Variants in SSBP2 observed in about 807,000 individuals in gnomAD.
SSBP2 encodes single stranded DNA binding protein 2.
Under a neutral mutation model 61.8 loss-of-function variants are expected in SSBP2, and 17 were observed. That is an observed-to-expected ratio of 0.28 (90% CI 0.19 to 0.41). The LOEUF (loss-of-function observed/expected upper bound fraction) is 0.41. Among genes scored for constraint, SSBP2 ranks in the 10% least tolerant of loss-of-function variants. The pLI, the probability that SSBP2 is intolerant of heterozygous loss-of-function variation, is 1.00. For synonymous variants in SSBP2, 139 were observed against 141.3 expected, an observed-to-expected ratio of 0.98 and a Z score of 0.12; for missense variants, 310 against 458.7, an observed-to-expected ratio of 0.68 and a Z score of 2.96.
intron 3 of SSBP2, among the ~76,000 whole-genome samples, chr5:81,627,066 A>C (rs1032562496): frequency 2.0e-5 from 3 of 152,254 alleles, no homozygotes; most frequent in African/African-American, 4.8e-5. Flanking sequence ...AAAGGTACTA[A>C]AAATATTATA....
chr5:81,751,195 G>A (rs914954286), upstream of SSBP2: 34 of 778,926 alleles, frequency 4.4e-5, no homozygotes, highest in African/African-American at 3.1e-4. Context: ...GGCAACGCGC[G>A]AGACTGACAG....
At chr5:81,525,132 G>A (rs547913628) in intron 4 of SSBP2, among the ~76,000 whole-genome samples, 5 of 151,906 alleles carry the variant, frequency 3.3e-5, no homozygotes, top group African/African-American at 1.2e-4. Flanking sequence ...TCCCTGACTC[G>A]GTTCCCATCC....
chr5:81,487,298 T>A (rs545747015), intron 6 of SSBP2, among the ~76,000 whole-genome samples: 3 of 152,304 alleles, frequency 2.0e-5, no homozygotes, highest in African/African-American at 7.2e-5. Context: ...CTACAAACTC[T>A]TTGTGAGTAA....
At chr5:81,589,961 C>T (rs1311893733) in intron 4 of SSBP2, among the ~76,000 whole-genome samples, 1 of 152,078 alleles carries the variant, frequency 6.6e-6, no homozygotes, top group Non-Finnish European at 1.5e-5. Flanking sequence ...ATGATCTAAA[C>T]ACCTCCTCCC....
In SSBP2 at chr5:81,740,596, G is replaced by A. The variant is rs116275451; in HGVS notation, c.62+10385C>T. On this transcript the variant is annotated intron_variant, in intron 1 of 16. Transcript: ENST00000320672. ...CCAAAAAAAGCCCAATAGGCCATAC[G>A]CTGCTTGGAAGAGACAACAAAAGAG... Among the ~76,000 whole-genome samples the A allele has an allele frequency of 3.3e-3, 500 of 152,208 alleles. 2 individuals are homozygous for A. Among genetic ancestry groups the A allele is most frequent in the African/African-American group, 0.011 (477 of 41,528 alleles).
intron 4 of SSBP2, among the ~76,000 whole-genome samples, chr5:81,568,242 T>C (rs1462903516): frequency 5.9e-5 from 9 of 152,130 alleles, no homozygotes; most frequent in Admixed American, 1.3e-4. Context: ...TGGGAGATAA[T>C]TGAATCATAG....
At chr5:81,739,405 A>G (rs1242470701) in intron 1 of SSBP2, among the ~76,000 whole-genome samples, 2 of 152,144 alleles carry the variant, frequency 1.3e-5, no homozygotes, top group East Asian at 1.9e-4. Flanking sequence ...TAGCCTTTCA[A>G]TAAACATCCT....
intron 16 of SSBP2, among the ~76,000 whole-genome samples, chr5:81,420,934 G>A (rs887700692): frequency 2.0e-5 from 3 of 152,088 alleles, no homozygotes. Flanking sequence ...TGTAAACTGA[G>A]GAGGCTACCT....
At chr5:81,731,232 A>G (rs966228715) in intron 1 of SSBP2, among the ~76,000 whole-genome samples, 10 of 152,238 alleles carry the variant, frequency 6.6e-5, no homozygotes, top group African/African-American at 2.4e-4. Context: ...GAACATCATT[A>G]TGTTCCTTGG....
At chr5:81,747,301 G>A (rs1757420230) in intron 1 of SSBP2, among the ~76,000 whole-genome samples, 1 of 152,118 alleles carries the variant, frequency 6.6e-6, no homozygotes, top group Non-Finnish European at 1.5e-5. Context: ...TCTAAAGTTA[G>A]AGAAATCTGT....
chr5:81,639,182 G>C (rs1219170350), intron 2 of SSBP2, among the ~76,000 whole-genome samples: 3 of 152,164 alleles, frequency 2.0e-5, no homozygotes, highest in Non-Finnish European at 4.4e-5. Flanking sequence ...TTCGTGATTT[G>C]AGGGTGTGGG....
chr5:81,625,910 A>G (rs1054565935), intron 3 of SSBP2, among the ~76,000 whole-genome samples: 12 of 152,190 alleles, frequency 7.9e-5, no homozygotes, highest in African/African-American at 2.9e-4. Context: ...AGACAGAACA[A>G]AACAATAAAA....
intron 5 of SSBP2, 58 bp downstream of exon 5, chr5:81,513,570 T>A: frequency 9.4e-7 from 1 of 1,066,574 alleles, no homozygotes; most frequent in Non-Finnish European, 1.4e-6. Flanking sequence ...GTATCTTTAA[T>A]AAAATCAAAC....
At chr5:81,483,764 T>TACACACAC (rs531570279) in intron 6 of SSBP2, among the ~76,000 whole-genome samples, 5 of 149,342 alleles carry the variant, frequency 3.3e-5, no homozygotes, top group African/African-American at 1.2e-4. Flanking sequence ...CATATATATA[T>TACACACAC]ACACACACAC....
At chr5:81,725,388 A>G (rs1032200612) in intron 1 of SSBP2, among the ~76,000 whole-genome samples, 3 of 152,176 alleles carry the variant, frequency 2.0e-5, no homozygotes, top group Non-Finnish European at 4.4e-5. Flanking sequence ...AATGGAGGAA[A>G]AGAGAACTAC....
intron 12 of SSBP2, chr5:81,443,145 T>C (rs1763142297): frequency 6.6e-6 from 1 of 152,562 alleles, no homozygotes. Flanking sequence ...ATAGTCTTTT[T>C]ACTTAATAAT....
intron 5 of SSBP2, among the ~76,000 whole-genome samples, chr5:81,498,924 G>A (rs1162289298): frequency 6.6e-6 from 1 of 151,934 alleles, no homozygotes. Flanking sequence ...TACATTTTCT[G>A]TAGAAAAGTA....
rs890272354 is a variant in SSBP2 at position 81,418,533 on chromosome 5, A to C, written c.*1971T>G. On this transcript the variant is annotated 3_prime_UTR_variant, in exon 17 of 17. Transcript: ENST00000320672. The stretch of plus-strand genomic sequence containing the variant: ...AGTACATACAGTCATATGTTACTTA[A>C]TGATAAGTATACATTCTGAGAAATG... 7 of 152,242 alleles carry C rather than the reference A, an allele frequency of 4.6e-5. No individual in the cohort carries two copies. Among genetic ancestry groups the C allele is most frequent in the African/African-American group, 1.7e-4 (7 of 41,452 alleles). 9.4% of individuals were successfully genotyped at this position (152,242 alleles called of 1,614,324 possible). A position where few individuals can be genotyped will look rare whatever the true frequency, so the allele number is the denominator to read the frequency against.
At chr5:81,622,895 G>C (rs1425308853) in intron 3 of SSBP2, among the ~76,000 whole-genome samples, 1 of 152,140 alleles carries the variant, frequency 6.6e-6, no homozygotes, top group Non-Finnish European at 1.5e-5. Flanking sequence ...GAAAAACTGC[G>C]TATCGACATT....
Sources: gnomAD v4.1 joint callset for allele counts (sites outside exome capture counted in the v4.1 genomes callset) on GRCh38, gnomAD v4.1.1 for gene constraint, MANE v1.5 for transcripts, NCBI Gene and HGNC (gene_info 2026-07-23, HGNC 2026-07-21) for gene names.